FAM149B1: variants seen among roughly 807,000 people sequenced by gnomAD.
FAM149B1 encodes the protein primary cilium assembly protein FAM149B1.
Under a neutral mutation model 75.3 loss-of-function variants are expected in FAM149B1, and 56 were observed. The ratio of observed to expected loss-of-function variants is 0.74; its 90% CI spans 0.60 to 0.93. FAM149B1 has a LOEUF of 0.93. Among genes scored for constraint, FAM149B1 ranks in the 40% least tolerant of loss-of-function variants. FAM149B1 has a pLI of 0.00. For synonymous variants in FAM149B1, 259 were observed against 256.1 expected, an observed-to-expected ratio of 1.01 and a Z score of -0.11; for missense variants, 639 against 708.4, an observed-to-expected ratio of 0.90 and a Z score of 1.11.
intron 1 of FAM149B1, among the ~76,000 whole-genome samples, chr10:73,171,648 A>ATTT (rs1843723507): frequency 8.3e-6 from 1 of 120,700 alleles, no homozygotes; most frequent in Non-Finnish European, 1.6e-5. Flanking sequence ...TTTTTTTTTG[A>ATTT]GACAGAGTCT....
chr10:73,188,184 G>A lies in FAM149B1; in HGVS notation c.283-4372G>A, dbSNP rs995028110. 7.2e-5 allele frequency among the ~76,000 whole-genome samples: 11 copies of A among 152,242 alleles called. 1 individual carries two copies. The South Asian group carries it at 1.9e-3, about 26-fold the overall frequency. The stretch of plus-strand genomic sequence containing the variant: ...TCCAGAAATAAACTCTTACATTTAG[G>A]ATCCATTGATTTTTGACAAAGGTAC... On this transcript the variant is annotated intron_variant, in intron 3 of 13. Transcript: ENST00000242505.
At chr10:73,177,702 GTTC>G (rs1844030636) in intron 2 of FAM149B1, 141 bp from the exon 3 acceptor site, 2 of 666,614 alleles carry the variant, frequency 3.0e-6, no homozygotes, top group Non-Finnish European at 4.8e-6. Context: ...CAAATTTCAA[GTTC>G]TTCATTTATT....
At position 73,243,960 on chromosome 10, in the gene FAM149B1, C is replaced by A. The variant is rs776468235; in HGVS notation, c.*2941C>A. The stretch of plus-strand genomic sequence containing the variant: ...ACAGGAACTCACATGAGACTCAGGG[C>A]CACCAGGAAATGCTTAAAATACATA... On this transcript the variant is annotated 3_prime_UTR_variant, in exon 14 of 14. Transcript: ENST00000242505. 1 of 1,579,516 alleles carries A rather than the reference C, an allele frequency of 6.3e-7. No individual in the cohort carries two copies. The highest frequency in any genetic ancestry group is 1.8e-5 in the Admixed American group (1 of 56,146).
At chr10:73,210,220 A>G in intron 6 of FAM149B1, 31 bp from the exon 7 acceptor site, 3 of 1,487,096 alleles carry the variant, frequency 2.0e-6, no homozygotes, top group East Asian at 2.5e-5. Context: ...CTTCAGCATC[A>G]TGAAGTCTTT....
rs1024666517 is a variant in FAM149B1, at chr10:73,241,180, G to A, written c.*161G>A. ...GACCGAAGAACAAAACACCATAGCA[G>A]CCAAAAATGACATGAGTGTTGTTTC... On this transcript the variant is annotated 3_prime_UTR_variant, in exon 14 of 14. Coordinates refer to ENST00000242505, the MANE Select transcript of FAM149B1 (RefSeq NM_173348.2). 1 of 593,746 alleles carries A rather than the reference G, an allele frequency of 1.7e-6. No homozygotes were observed. The highest frequency in any genetic ancestry group is 1.9e-5 in the South Asian group (1 of 52,866). 36.8% of individuals were successfully genotyped at this position (593,746 alleles called of 1,614,324 possible).
At chr10:73,171,913 C>G (rs1305113396) in intron 1 of FAM149B1, among the ~76,000 whole-genome samples, 1 of 152,156 alleles carries the variant, frequency 6.6e-6, no homozygotes, top group African/African-American at 2.4e-5. Context: ...CAGGCGTGAG[C>G]CACCGCACCT....
chr10:73,215,713 G>A (rs1190225269), intron 7 of FAM149B1, among the ~76,000 whole-genome samples: 1 of 152,118 alleles, frequency 6.6e-6, no homozygotes, highest in East Asian at 1.9e-4. Context: ...ATATTTGTAT[G>A]GTTTCCAGAG....
chr10:73,215,904 T>C (rs1295381146), intron 7 of FAM149B1, among the ~76,000 whole-genome samples: 1 of 152,258 alleles, frequency 6.6e-6, no homozygotes, highest in Admixed American at 6.5e-5. Flanking sequence ...TAGACCGTTC[T>C]GTAAATGTTA....
In FAM149B1 at chr10:73,241,056, C is replaced by T. The variant is rs571629113; in HGVS notation, c.*37C>T. On this transcript the variant is annotated 3_prime_UTR_variant, in exon 14 of 14. Transcript: ENST00000242505. ...AGAATCTATCAGGCTGCAGGAAACA[C>T]GAGATTTCATGAAGCAGTATTCAGT... 13 of 1,180,236 alleles carry T rather than the reference C, an allele frequency of 1.1e-5. No individual in the cohort carries two copies. Among genetic ancestry groups the T allele is most frequent in the East Asian group, 5.2e-5 (2 of 38,708 alleles). 73.1% of individuals were successfully genotyped at this position (1,180,236 alleles called of 1,614,324 possible).
chr10:73,198,218 A>C (rs1052510453), intron 5 of FAM149B1, among the ~76,000 whole-genome samples: 1 of 152,226 alleles, frequency 6.6e-6, no homozygotes, highest in Non-Finnish European at 1.5e-5. Context: ...AAATAGATCA[A>C]AGACCTAAAT....
At chr10:73,218,630 G>A (rs1431198277) in intron 7 of FAM149B1, among the ~76,000 whole-genome samples, 4 of 152,074 alleles carry the variant, frequency 2.6e-5, no homozygotes, top group African/African-American at 9.7e-5. Context: ...TTGGTTAAGA[G>A]GATCTTTGAG....
chr10:73,182,981 C>T (rs1465817724), intron 3 of FAM149B1, among the ~76,000 whole-genome samples: 1 of 152,186 alleles, frequency 6.6e-6, no homozygotes, highest in Non-Finnish European at 1.5e-5. Context: ...TCCTATCGCA[C>T]ACCAGGCCTT....
intron 1 of FAM149B1, among the ~76,000 whole-genome samples, chr10:73,171,984 T>G (rs1843737898): frequency 6.6e-6 from 1 of 152,190 alleles, no homozygotes. Context: ...AAAGCAAAAC[T>G]GCAGATACTG....
intron 3 of FAM149B1, among the ~76,000 whole-genome samples, chr10:73,179,995 T>G (rs1319758015): frequency 6.6e-6 from 1 of 152,212 alleles, no homozygotes; most frequent in African/African-American, 2.4e-5. Flanking sequence ...GCATGGTTGT[T>G]TTCCCTGTAC....
At chr10:73,176,898 A>C (rs1456762146) in intron 2 of FAM149B1, among the ~76,000 whole-genome samples, 1 of 152,070 alleles carries the variant, frequency 6.6e-6, no homozygotes, top group East Asian at 1.9e-4. Flanking sequence ...GTGGTGGCGC[A>C]CACCTGTAGT....
intron 1 of FAM149B1, 125 bp downstream of exon 1, chr10:73,168,511 C>T (rs939126602): frequency 1.7e-5 from 20 of 1,146,856 alleles, no homozygotes; most frequent in Non-Finnish European, 2.3e-5. Context: ...GGAATTCTCT[C>T]CTCTCAGCCC....
rs1216108615 is a variant in FAM149B1, at chr10:73,232,997, A to C, written c.1186A>C (p.Asn396His). 4 of 1,551,880 alleles carry C rather than the reference A, an allele frequency of 2.6e-6. No homozygotes were observed. The highest frequency in any genetic ancestry group is 3.5e-6 in the Non-Finnish European group (4 of 1,146,998). Reference sequence around the variant, plus strand: ...GTCCAGTACCATCCTTTCAACTCGAAATTGGCCAAATCGAGCTGTGGAGTT... The same window carrying C: ...GTCCAGTACCATCCTTTCAACTCGACATTGGCCAAATCGAGCTGTGGAGTT... ...PGSSTILSTR[N>H]WPNRAVEFST... The change falls in exon 10 of 14, where the codon AAT (asparagine) becomes CAT (histidine). Residue 396 changes from asparagine to histidine, a missense_variant. Physicochemically the swap from Asn to His is moderately conservative, Grantham distance 68 (BLOSUM62 1). Coordinates refer to ENST00000242505, the MANE Select transcript of FAM149B1 (RefSeq NM_173348.2).
chr10:73,191,957 A>G (rs563357712), intron 3 of FAM149B1, among the ~76,000 whole-genome samples: 335 of 152,172 alleles, frequency 2.2e-3, no homozygotes, highest in Non-Finnish European at 3.9e-3. Flanking sequence ...ATAGAGTGCA[A>G]TGGCACAATC....
intron 12 of FAM149B1, among the ~76,000 whole-genome samples, chr10:73,235,847 T>C (rs1356706680): frequency 6.6e-6 from 1 of 152,166 alleles, no homozygotes; most frequent in African/African-American, 2.4e-5. Context: ...ACTTTTTCTT[T>C]CTACTGGTGT....
Sources: allele counts gnomAD v4.1 joint callset (sites outside exome capture counted in the v4.1 genomes callset), GRCh38; gene constraint gnomAD v4.1.1; transcripts MANE v1.5; gene names NCBI Gene and HGNC (gene_info 2026-07-23, HGNC 2026-07-21).